The following KDM4C variants were observed in gnomAD, a reference collection of about 807,000 sequenced individuals.
KDM4C encodes the protein lysine-specific demethylase 4C.
Under a neutral mutation model 129.3 loss-of-function variants are expected in KDM4C, and 81 were observed. That is an observed-to-expected ratio of 0.63 (90% CI 0.52 to 0.75). The LOEUF (loss-of-function observed/expected upper bound fraction) is 0.75, where lower values mean the gene tolerates loss of function less well. Ranked by LOEUF, KDM4C falls within the 30% of genes least tolerant of loss-of-function variation. KDM4C has a pLI of 0.00. For synonymous variants in KDM4C, 573 were observed against 456.1 expected, an observed-to-expected ratio of 1.26 and a Z score of -3.26; for missense variants, 1,457 against 1,304.0, an observed-to-expected ratio of 1.12 and a Z score of -1.81.
intron 1 of KDM4C, among the ~76,000 whole-genome samples, chr9:6,780,718 A>T (rs1170265206): frequency 7.4e-6 from 1 of 134,990 alleles, no homozygotes; most frequent in Non-Finnish European, 1.6e-5. Flanking sequence ...CAGTGAGCCG[A>T]GATTCCGCCA....
At chr9:6,967,483 C>A (rs1193517654) in intron 8 of KDM4C, among the ~76,000 whole-genome samples, 3 of 150,234 alleles carry the variant, frequency 2.0e-5, no homozygotes, top group Non-Finnish European at 4.4e-5. Flanking sequence ...AAGATTAAAA[C>A]GTTCACAGAA....
rs1054584031 is a variant in KDM4C, at chr9:6,758,270, G to GC, written c.-18+73dup. On this transcript the variant is annotated intron_variant, in intron 1 of 21. Transcript: ENST00000381309. This position sits in a 1 kb window ranked among gnomAD's most constrained non-coding sequence, Gnocchi z 4.6. Reference sequence around the variant, plus strand: ...GGTCCGGAGAGGTCTTCCCGGCACTGCCCCCCTCCGCGTGGGGCACGGGGG... The same window carrying GC: ...GGTCCGGAGAGGTCTTCCCGGCACTGCCCCCCCTCCGCGTGGGGCACGGGGG... The GC allele has an allele frequency of 1.7e-5, 16 of 914,850 alleles. No individual in the cohort carries two copies. Among genetic ancestry groups the GC allele is most frequent in the Non-Finnish European group, 1.7e-5 (13 of 765,668 alleles). The allele number at this position is 914,850 out of a possible 1,614,324, so 56.7% of individuals were successfully genotyped here.
chr9:6,802,784 T>C (rs1829253025), intron 2 of KDM4C, among the ~76,000 whole-genome samples: 6 of 152,188 alleles, frequency 3.9e-5, no homozygotes, highest in Admixed American at 3.9e-4. Flanking sequence ...TTTTTGTATT[T>C]TTAGTAGAGA....
chr9:6,996,205 T>G (rs906559409), intron 12 of KDM4C, among the ~76,000 whole-genome samples: 1 of 152,200 alleles, frequency 6.6e-6, no homozygotes, highest in African/African-American at 2.4e-5. Flanking sequence ...ATGGCAAGCT[T>G]CTTCTCACTA....
chr9:7,099,092 G>T (rs933254316), intron 17 of KDM4C, among the ~76,000 whole-genome samples: 2 of 152,080 alleles, frequency 1.3e-5, no homozygotes, highest in Non-Finnish European at 2.9e-5. Flanking sequence ...GGCAAAAGGA[G>T]AAAGAAATTA....
chr9:6,959,636 A>G (rs936982877), intron 8 of KDM4C, among the ~76,000 whole-genome samples: 8 of 152,178 alleles, frequency 5.3e-5, no homozygotes, highest in African/African-American at 1.7e-4. Context: ...AAGAGTTTAT[A>G]TTATAGTTAA....
chr9:6,948,725 G>C lies in KDM4C; in HGVS notation c.922-32200G>C, dbSNP rs556662244. ...TGCCTTCAAGCATCTTTTTAACAAA[G>C]CACATCTTGCACCGCCCTTAATCCA... On this transcript the variant is annotated intron_variant, in intron 8 of 21. Coordinates refer to ENST00000381309, the MANE Select transcript of KDM4C (RefSeq NM_015061.6). 1.9e-3 allele frequency among the ~76,000 whole-genome samples: 285 copies of C among 152,074 alleles called. 3 individuals carry two copies. The highest frequency in any genetic ancestry group is 6.5e-3 in the African/African-American group (269 of 41,472).
intron 8 of KDM4C, among the ~76,000 whole-genome samples, chr9:6,899,545 G>GTA: frequency 6.7e-6 from 1 of 149,248 alleles, no homozygotes. Flanking sequence ...CCATGGGGGT[G>GTA]TGTGTGTGTG....
At chr9:7,065,877 G>A (rs143010946) in intron 17 of KDM4C, among the ~76,000 whole-genome samples, 38 of 152,014 alleles carry the variant, frequency 2.5e-4, no homozygotes, top group African/African-American at 8.4e-4. Context: ...AGTGACTGTA[G>A]TTTGAAAAAG....
intron 1 of KDM4C, among the ~76,000 whole-genome samples, chr9:6,785,646 C>T (rs1825336582): frequency 1.3e-5 from 2 of 152,190 alleles, no homozygotes; most frequent in South Asian, 4.1e-4. Flanking sequence ...TTCTTCTCTT[C>T]CTAAAAGGAC....
intron 7 of KDM4C, among the ~76,000 whole-genome samples, chr9:6,888,470 C>T (rs907997335): frequency 1.3e-5 from 2 of 152,126 alleles, no homozygotes; most frequent in African/African-American, 4.8e-5. Flanking sequence ...CTTGTAAACA[C>T]ATTTAGACAT....
chr9:6,960,598 G>T (rs1191212147), intron 8 of KDM4C, among the ~76,000 whole-genome samples: 1 of 152,018 alleles, frequency 6.6e-6, no homozygotes, highest in Non-Finnish European at 1.5e-5. Flanking sequence ...ATAGAAAGTA[G>T]GAAAAAAGGA....
At chr9:7,138,407 T>G (rs1344484713) in intron 19 of KDM4C, among the ~76,000 whole-genome samples, 1 of 152,234 alleles carries the variant, frequency 6.6e-6, no homozygotes, top group Non-Finnish European at 1.5e-5. Flanking sequence ...AATGTTTAAT[T>G]TCTTCTAAAG....
chr9:6,816,621 T>C (rs1207862145), intron 4 of KDM4C, among the ~76,000 whole-genome samples: 1 of 152,246 alleles, frequency 6.6e-6, no homozygotes, highest in Non-Finnish European at 1.5e-5. Context: ...AAACATTTTT[T>C]CCAGCTTACA....
intron 12 of KDM4C, among the ~76,000 whole-genome samples, chr9:6,995,886 T>A (rs574259300): frequency 7.4e-6 from 1 of 134,820 alleles, no homozygotes; most frequent in Non-Finnish European, 1.7e-5. Flanking sequence ...TTAGCCAGGA[T>A]GGTCTCGATC....
intron 1 of KDM4C, among the ~76,000 whole-genome samples, chr9:6,759,962 T>TATAC (rs1819074768): frequency 1.4e-5 from 2 of 143,076 alleles, no homozygotes; most frequent in African/African-American, 5.1e-5. Flanking sequence ...AAAGTAAAAA[T>TATAC]ATAAATAAAT....
chr9:7,096,254 G>T (rs1185301464), intron 17 of KDM4C, among the ~76,000 whole-genome samples: 1 of 152,160 alleles, frequency 6.6e-6, no homozygotes, highest in Non-Finnish European at 1.5e-5. Flanking sequence ...TATCAGCGAA[G>T]TGCTTCTTTC....
At chr9:6,773,537 T>C (rs1822340729) in intron 1 of KDM4C, among the ~76,000 whole-genome samples, 1 of 152,076 alleles carries the variant, frequency 6.6e-6, no homozygotes, top group Non-Finnish European at 1.5e-5. Flanking sequence ...TTTGGGAGGC[T>C]GAGACGGGCA....
rs970821195 is a variant in KDM4C at position 7,143,164 on chromosome 9, C to T, written c.2781+14928C>T. Among the ~76,000 whole-genome samples, 3 of 152,206 alleles carry T rather than the reference C, an allele frequency of 2.0e-5. No individual in the cohort carries two copies. The South Asian group carries it at 6.2e-4, about 32-fold the overall frequency. ...ACCCCACTTTCAGGTGCCCACTTAC[C>T]CTGGGAGCCCCAACACTTTGGCATG... On this transcript the variant is annotated intron_variant, in intron 19 of 21. Coordinates refer to ENST00000381309, the MANE Select transcript of KDM4C (RefSeq NM_015061.6).
Sources: gnomAD v4.1 joint callset for allele counts (sites outside exome capture counted in the v4.1 genomes callset) on GRCh38, gnomAD v4.1.1 for gene constraint, Gnocchi (gnomAD v3.1) non-coding constraint, MANE v1.5 for transcripts, NCBI Gene and HGNC (gene_info 2026-07-23, HGNC 2026-07-21) for gene names.